TAS2R1: variants seen among roughly 807,000 people sequenced by gnomAD.
The protein encoded by TAS2R1 is taste receptor type 2 member 1.
For missense variants in TAS2R1, 370 were observed against 353.4 expected (o/e 1.05, Z -0.38); for synonymous variants, 141 against 134.2 (o/e 1.05, Z -0.35).
the TAS2R1 span, among the ~76,000 whole-genome samples, chr5:9,753,328 T>C: frequency 2.0e-5 from 3 of 152,250 alleles, no homozygotes; most frequent in Non-Finnish European, 4.4e-5. Flanking sequence ...CATGTGTCTT[T>C]TGGCTGCATA....
At chr5:9,768,394 C>G in the TAS2R1 span, among the ~76,000 whole-genome samples, 1 of 152,154 alleles carries the variant, frequency 6.6e-6, no homozygotes, top group East Asian at 1.9e-4. Flanking sequence ...ATTGTATCAC[C>G]CATTGACCTT....
the TAS2R1 span, among the ~76,000 whole-genome samples, chr5:9,847,315 C>T: frequency 5.4e-3 from 827 of 152,204 alleles, 3 homozygotes; most frequent in Non-Finnish European, 8.1e-3. Context: ...ATTTTAGATC[C>T]TTTTTTAAAA....
chr5:9,863,712 G>T, the TAS2R1 span, among the ~76,000 whole-genome samples: 3 of 152,188 alleles, frequency 2.0e-5, no homozygotes, highest in Non-Finnish European at 2.9e-5. Context: ...ATACATGACT[G>T]CCCAAGAACA....
chr5:9,651,164 A>T (rs979819723), intron 2 of TAS2R1, among the ~76,000 whole-genome samples: 2 of 152,200 alleles, frequency 1.3e-5, no homozygotes, highest in African/African-American at 4.8e-5. Context: ...ATATTCTGTC[A>T]TCAGCTCCTT....
At chr5:9,828,914 T>C in the TAS2R1 span, among the ~76,000 whole-genome samples, 1 of 152,228 alleles carries the variant, frequency 6.6e-6, no homozygotes, top group Admixed American at 6.5e-5. Context: ...AAACTTTTTA[T>C]TTTACTTCAG....
the TAS2R1 span, among the ~76,000 whole-genome samples, chr5:9,825,538 C>T: frequency 6.6e-6 from 1 of 152,220 alleles, no homozygotes; most frequent in Non-Finnish European, 1.5e-5. Context: ...TCACATTCTT[C>T]TGTAAGATGG....
upstream of TAS2R1, among the ~76,000 whole-genome samples, chr5:9,634,616 T>C (rs1040905916): frequency 6.6e-6 from 1 of 152,176 alleles, no homozygotes; most frequent in Non-Finnish European, 1.5e-5. Flanking sequence ...TGATAGATGA[T>C]TTCTTTCAGC....
At chr5:9,755,587 C>CAAAAAAAAAAAAAAAAAA in the TAS2R1 span, among the ~76,000 whole-genome samples, 1 of 94,866 alleles carries the variant, frequency 1.1e-5, no homozygotes, top group Non-Finnish European at 2.1e-5. Flanking sequence ...ACTCCATCTC[C>CAAAAAAAAAAAAAAAAAA]AAAAAAAAAA....
At chr5:9,774,288 CTT>C in the TAS2R1 span, among the ~76,000 whole-genome samples, 1 of 152,134 alleles carries the variant, frequency 6.6e-6, no homozygotes, top group Non-Finnish European at 1.5e-5. Flanking sequence ...ATTTCAGTCT[CTT>C]TGTTAGGTTT....
the TAS2R1 span, among the ~76,000 whole-genome samples, chr5:9,854,073 G>T: frequency 6.6e-6 from 1 of 152,200 alleles, no homozygotes; most frequent in African/African-American, 2.4e-5. Flanking sequence ...AGAAGTCTAA[G>T]ATCCAGCTGT....
the TAS2R1 span, among the ~76,000 whole-genome samples, chr5:9,814,147 T>C: frequency 6.6e-6 from 1 of 152,222 alleles, no homozygotes; most frequent in African/African-American, 2.4e-5. Flanking sequence ...TGCTGAGGTA[T>C]GCAGCCCCCT....
At chr5:9,677,549 CA>C (rs895461847) in intron 1 of TAS2R1, among the ~76,000 whole-genome samples, 1 of 151,640 alleles carries the variant, frequency 6.6e-6, no homozygotes, top group African/African-American at 2.4e-5. Context: ...TTAGACAAAC[CA>C]AAGGCAAACA....
the TAS2R1 span, among the ~76,000 whole-genome samples, chr5:9,829,144 C>T: frequency 2.0e-5 from 3 of 152,196 alleles, no homozygotes; most frequent in African/African-American, 7.2e-5. Context: ...GAATGCAAGG[C>T]TATCTACTGC....
the TAS2R1 span, among the ~76,000 whole-genome samples, chr5:9,721,744 A>C: frequency 6.6e-6 from 1 of 152,250 alleles, no homozygotes; most frequent in African/African-American, 2.4e-5. Context: ...AGGAAATTAA[A>C]GGAAAAGCAA....
intron 1 of TAS2R1, among the ~76,000 whole-genome samples, chr5:9,700,798 G>T (rs940804728): frequency 4.6e-5 from 7 of 152,152 alleles, no homozygotes; most frequent in Non-Finnish European, 1.0e-4. Flanking sequence ...TTCTTTCTGT[G>T]CATGTCTCTG....
chr5:9,674,001 T>C (rs935956903), intron 1 of TAS2R1, among the ~76,000 whole-genome samples: 1 of 152,138 alleles, frequency 6.6e-6, no homozygotes, highest in Admixed American at 6.5e-5. Flanking sequence ...TCTGCTGAAA[T>C]TTTTTCATGC....
At chr5:9,702,829 C>T (rs1454195097) in intron 1 of TAS2R1, among the ~76,000 whole-genome samples, 1 of 151,212 alleles carries the variant, frequency 6.6e-6, no homozygotes, top group African/African-American at 2.4e-5. Flanking sequence ...AAAGTAAGGG[C>T]ATTGGGGGTG....
At chr5:9,873,992 G>GAGGAAGGAAGAA in the TAS2R1 span, among the ~76,000 whole-genome samples, 1 of 145,916 alleles carries the variant, frequency 6.9e-6, no homozygotes, top group South Asian at 2.2e-4. Flanking sequence ...AAAAGAGAGA[G>GAGGAAGGAAGAA]AGGAAGGAAG....
At chr5:9,686,989 A>G (rs188400837) in intron 1 of TAS2R1, among the ~76,000 whole-genome samples, 1 of 151,382 alleles carries the variant, frequency 6.6e-6, no homozygotes, top group East Asian at 1.9e-4. Context: ...TTTGAGATGG[A>G]GTTTTGCTTT....
Sources: gnomAD v4.1 joint callset for allele counts (sites outside exome capture counted in the v4.1 genomes callset) on GRCh38, gnomAD v4.1.1 for gene constraint, MANE v1.5 for transcripts, NCBI Gene and HGNC (gene_info 2026-07-23, HGNC 2026-07-21) for gene names.